The following GPC6 variants were observed in gnomAD, a reference collection of about 807,000 sequenced individuals.
The protein encoded by GPC6 is glypican-6.
Under a neutral mutation model 55.2 loss-of-function variants are expected in GPC6, and 14 were observed. The observed-to-expected ratio is 0.25, with a 90% CI of 0.17 to 0.40. The LOEUF is 0.40. Among genes scored for constraint, GPC6 ranks in the 10% least tolerant of loss-of-function variants. The pLI is 1.00. For missense variants in GPC6, 641 were observed against 708.5 expected, an observed-to-expected ratio of 0.90 and a Z score of 1.08; for synonymous variants, 278 against 259.6, an observed-to-expected ratio of 1.07 and a Z score of -0.68.
chr13:94,005,787 T>C (rs1169403048), intron 3 of GPC6, among the ~76,000 whole-genome samples: 4 of 152,202 alleles, frequency 2.6e-5, no homozygotes, highest in Non-Finnish European at 5.9e-5. Flanking sequence ...CTTATCTCCT[T>C]CTGCCTCTTC....
chr13:94,267,546 A>G (rs1432619682), intron 4 of GPC6, among the ~76,000 whole-genome samples: 1 of 152,188 alleles, frequency 6.6e-6, no homozygotes, highest in Non-Finnish European at 1.5e-5. Flanking sequence ...GTCTAGTGTC[A>G]GTATAGTTGT....
intron 4 of GPC6, among the ~76,000 whole-genome samples, chr13:94,059,210 ATTTTTCTTTTT>A (rs899431028): frequency 1.3e-5 from 2 of 148,706 alleles, no homozygotes; most frequent in African/African-American, 5.0e-5. Context: ...CCAGGAAAGC[ATTTTTCTTTTT>A]TTTTTTTTCA....
intron 1 of GPC6, among the ~76,000 whole-genome samples, chr13:93,340,714 C>CCT (rs1402047418): frequency 6.6e-6 from 1 of 152,072 alleles, no homozygotes; most frequent in Non-Finnish European, 1.5e-5. Flanking sequence ...AGGTTGGAGG[C>CCT]CTATAGGCCT....
At chr13:93,856,186 A>G (rs1445308126) in intron 3 of GPC6, among the ~76,000 whole-genome samples, 1 of 151,500 alleles carries the variant, frequency 6.6e-6, no homozygotes, top group Non-Finnish European at 1.5e-5. Flanking sequence ...ACAGCCTCCT[A>G]TAAACTATGC....
intron 7 of GPC6, among the ~76,000 whole-genome samples, chr13:94,389,608 C>T (rs767728088): frequency 1.3e-5 from 2 of 152,222 alleles, no homozygotes; most frequent in East Asian, 3.9e-4. Flanking sequence ...TTTCTCTTCA[C>T]GCAGACCCTT....
chr13:93,462,848 CA>C (rs1878747649), intron 1 of GPC6, among the ~76,000 whole-genome samples: 1 of 152,038 alleles, frequency 6.6e-6, no homozygotes, highest in Non-Finnish European at 1.5e-5. Context: ...TTGGTCCTGG[CA>C]GTGTCTCTGC....
chr13:93,514,264 T>C (rs1881100069), intron 1 of GPC6, among the ~76,000 whole-genome samples: 1 of 152,116 alleles, frequency 6.6e-6, no homozygotes, highest in South Asian at 2.1e-4. Context: ...AGGGAAGCCA[T>C]AGGTGCTCTG....
chr13:94,040,183 C>T (rs1883480852), intron 4 of GPC6, among the ~76,000 whole-genome samples: 1 of 151,886 alleles, frequency 6.6e-6, no homozygotes, highest in African/African-American at 2.4e-5. Flanking sequence ...TAAGCTGAAG[C>T]ATGAAAGTTG....
At chr13:93,573,885 T>C (rs1259295894) in intron 2 of GPC6, among the ~76,000 whole-genome samples, 1 of 152,188 alleles carries the variant, frequency 6.6e-6, no homozygotes, top group Non-Finnish European at 1.5e-5. Context: ...TTAAACTTAA[T>C]CTACTGATGT....
In GPC6 at chr13:93,545,387, C is replaced by T. The variant is rs1307305512; in HGVS notation, c.285C>T (p.Arg95=). The T allele has an allele frequency of 6.2e-7, 1 of 1,613,884 alleles. No homozygotes were observed. Among genetic ancestry groups the T allele is most frequent in the East Asian group, 2.2e-5 (1 of 44,864 alleles). The change falls in exon 2 of 9, where the codon CGC becomes CGT. Residue 95 remains arginine (R), a synonymous_variant. Transcript: ENST00000377047. ...NLVEETSHFV[R]TTFVSRHKKF... ...TGGAAGAGACAAGCCATTTTGTGCG[C>T]ACCACTTTTGTGTCCAGGCATAAGA...
intron 1 of GPC6, among the ~76,000 whole-genome samples, chr13:93,390,516 G>C (rs561563135): frequency 6.6e-6 from 1 of 152,266 alleles, no homozygotes; most frequent in South Asian, 2.1e-4. Flanking sequence ...AATGGATCAC[G>C]TTTGCTGCCT....
chr13:93,380,126 G>T (rs902301169), intron 1 of GPC6, among the ~76,000 whole-genome samples: 2 of 152,012 alleles, frequency 1.3e-5, no homozygotes, highest in Non-Finnish European at 2.9e-5. Context: ...GATTGTCTAT[G>T]CTTATCAAGA....
At chr13:93,535,018 T>C (rs1882002055) in intron 1 of GPC6, among the ~76,000 whole-genome samples, 1 of 152,172 alleles carries the variant, frequency 6.6e-6, no homozygotes, top group Non-Finnish European at 1.5e-5. Context: ...CCATAGAAAC[T>C]TTCCAATAAA....
chr13:93,908,689 T>C (rs770527241), intron 3 of GPC6, among the ~76,000 whole-genome samples: 3 of 152,170 alleles, frequency 2.0e-5, no homozygotes, highest in Non-Finnish European at 4.4e-5. Context: ...CTCCAGAGAA[T>C]GTGACCCTCT....
Position 93,545,390 on chromosome 13 carries a change from C to A in GPC6, c.288C>A (p.Thr96=). 1 of 1,613,830 alleles carries A rather than the reference C, an allele frequency of 6.2e-7. No individual in the cohort carries two copies. The highest frequency in any genetic ancestry group is 8.5e-7 in the Non-Finnish European group (1 of 1,179,788). The change falls in exon 2 of 9, where the codon ACC becomes ACA. Residue 96 remains threonine, a synonymous_variant. Transcript: ENST00000377047. ...LVEETSHFVR[T]TFVSRHKKFD... ...AAGAGACAAGCCATTTTGTGCGCAC[C>A]ACTTTTGTGTCCAGGCATAAGAAAT...
intron 3 of GPC6, among the ~76,000 whole-genome samples, chr13:93,853,445 A>G (rs555619135): frequency 1.3e-5 from 2 of 151,808 alleles, no homozygotes; most frequent in South Asian, 2.1e-4. Context: ...TAAAGCTTGT[A>G]AAATCATTTG....
rs3044333 is a variant in GPC6, at chr13:94,387,730, T to TTCTCTCTCTCTCTC, written c.1289+5202_1289+5215dup. On this transcript the variant is annotated intron_variant, in intron 7 of 8. Coordinates refer to ENST00000377047, the MANE Select transcript of GPC6 (RefSeq NM_005708.5). ...TACCCTTGTAAGAGGAGACATGAGT[T>TTCTCTCTCTCTCTC]TCTCTCTCTCTCTCTCTCTCTCTCT... is the stretch of plus-strand genomic sequence containing the variant. 9.5e-3 allele frequency among the ~76,000 whole-genome samples: 1,345 copies of TTCTCTCTCTCTCTC among 141,206 alleles called. 23 individuals are homozygous for TTCTCTCTCTCTCTC. Among genetic ancestry groups the TTCTCTCTCTCTCTC allele is most frequent in the Non-Finnish European group, 0.015 (1,015 of 65,578 alleles). The allele number at this position is 141,206 out of a possible 152,430, so 92.6% of individuals were successfully genotyped here.
chr13:93,653,920 A>G (rs983616204), intron 2 of GPC6, among the ~76,000 whole-genome samples: 1 of 152,172 alleles, frequency 6.6e-6, no homozygotes, highest in Non-Finnish European at 1.5e-5. Flanking sequence ...ATGCAACATC[A>G]CACTTTTATC....
At chr13:93,800,716 A>G (rs1005150389) in intron 2 of GPC6, among the ~76,000 whole-genome samples, 1 of 152,000 alleles carries the variant, frequency 6.6e-6, no homozygotes, top group African/African-American at 2.4e-5. Flanking sequence ...ATCTGTAAGC[A>G]ATGTGCATAA....
Sources: allele counts gnomAD v4.1 joint callset (sites outside exome capture counted in the v4.1 genomes callset), GRCh38; gene constraint gnomAD v4.1.1; transcripts MANE v1.5; gene names NCBI Gene and HGNC (gene_info 2026-07-23, HGNC 2026-07-21).